Variants in SLC71A2 observed in about 807,000 individuals in gnomAD.
SLC71A2 encodes the protein hippocampus abundant transcript-like 1.
the SLC71A2 span, chr9:94,459,408 T>A: frequency 6.2e-7 from 1 of 1,613,576 alleles, no homozygotes; most frequent in Non-Finnish European, 8.5e-7. Context: ...TGCACTGAGC[T>A]GTAAACTCGG....
the SLC71A2 span, chr9:94,451,371 A>G: frequency 4.5e-6 from 3 of 665,228 alleles, no homozygotes; most frequent in African/African-American, 5.8e-5. Flanking sequence ...GAATTTTCCT[A>G]GACTTATCAT....
the SLC71A2 span, among the ~76,000 whole-genome samples, chr9:94,439,738 G>A: frequency 1.3e-5 from 2 of 151,834 alleles, no homozygotes; most frequent in Admixed American, 1.3e-4. Flanking sequence ...ACTTTTTAAT[G>A]TCCTTTTTTT....
chr9:94,393,083 C>T, the SLC71A2 span, among the ~76,000 whole-genome samples: 1 of 149,968 alleles, frequency 6.7e-6, no homozygotes, highest in African/African-American at 2.4e-5. Flanking sequence ...AGCCATGACA[C>T]TGCATGTCCA....
chr9:94,458,407 C>T, the SLC71A2 span: 7 of 1,613,298 alleles, frequency 4.3e-6, no homozygotes, highest in Non-Finnish European at 5.9e-6. Flanking sequence ...TCTACATGTT[C>T]CATGTGGAAC....
the SLC71A2 span, among the ~76,000 whole-genome samples, chr9:94,400,167 G>C: frequency 7.7e-4 from 117 of 152,020 alleles, no homozygotes; most frequent in Non-Finnish European, 1.5e-3. Context: ...TGGGAGATCA[G>C]TTTCGAATCT....
At chr9:94,454,931 G>A in the SLC71A2 span, among the ~76,000 whole-genome samples, 1 of 152,010 alleles carries the variant, frequency 6.6e-6, no homozygotes, top group Admixed American at 6.6e-5. Flanking sequence ...AGAAGGAATC[G>A]TGAGTTTTGT....
the SLC71A2 span, among the ~76,000 whole-genome samples, chr9:94,455,268 A>G: frequency 6.9e-6 from 1 of 145,476 alleles, no homozygotes; most frequent in Non-Finnish European, 1.5e-5. Flanking sequence ...TGCCAGCCTC[A>G]AGCGATCCTC....
At chr9:94,439,328 T>C in the SLC71A2 span, among the ~76,000 whole-genome samples, 1 of 151,676 alleles carries the variant, frequency 6.6e-6, no homozygotes, top group Non-Finnish European at 1.5e-5. Flanking sequence ...TTTTTTTCTT[T>C]GTATAAATCG....
chr9:94,382,046 G>A, the SLC71A2 span, among the ~76,000 whole-genome samples: 2 of 150,710 alleles, frequency 1.3e-5, no homozygotes, highest in Non-Finnish European at 2.9e-5. Context: ...TTCCTCCTCC[G>A]GCAGAGTCTC....
At chr9:94,383,159 A>G in the SLC71A2 span, among the ~76,000 whole-genome samples, 3 of 91,704 alleles carry the variant, frequency 3.3e-5, no homozygotes, top group Admixed American at 1.0e-4. Flanking sequence ...TAGCTTTTAC[A>G]TCTTTTTTTT....
At chr9:94,381,622 T>A in the SLC71A2 span, among the ~76,000 whole-genome samples, 4,560 of 151,932 alleles carry the variant, frequency 0.03, 61 homozygotes, top group African/African-American at 0.1. Context: ...TACACTTTTT[T>A]AAAAGTAAAT....
chr9:94,438,456 G>C, the SLC71A2 span: 2 of 1,613,948 alleles, frequency 1.2e-6, no homozygotes, highest in Non-Finnish European at 1.7e-6. Context: ...GATGTGTGGG[G>C]GAGGAAGCCC....
the SLC71A2 span, among the ~76,000 whole-genome samples, chr9:94,408,312 T>C: frequency 1.6e-4 from 24 of 152,174 alleles, no homozygotes; most frequent in African/African-American, 5.8e-4. Context: ...ACTTAACCCC[T>C]TTGTAAGTCG....
the SLC71A2 span, among the ~76,000 whole-genome samples, chr9:94,422,428 A>G: frequency 6.6e-6 from 1 of 152,190 alleles, no homozygotes; most frequent in Non-Finnish European, 1.5e-5. Flanking sequence ...GCTGTTGGAC[A>G]TTTGGGTTTC....
the SLC71A2 span, among the ~76,000 whole-genome samples, chr9:94,399,629 A>G: frequency 3.9e-5 from 6 of 152,036 alleles, no homozygotes; most frequent in South Asian, 2.1e-4. Context: ...AGTTTATTTA[A>G]TTGGTCAGTC....
chr9:94,419,910 A>G, the SLC71A2 span, among the ~76,000 whole-genome samples: 1 of 151,812 alleles, frequency 6.6e-6, no homozygotes, highest in Non-Finnish European at 1.5e-5. Flanking sequence ...CTCTGTCTCC[A>G]TTATTTAGGG....
At chr9:94,394,922 T>TG in the SLC71A2 span, among the ~76,000 whole-genome samples, 3 of 82,176 alleles carry the variant, frequency 3.7e-5, no homozygotes, top group Non-Finnish European at 7.7e-5. Flanking sequence ...TTTGTTTTTT[T>TG]TTTTTTTTTG....
chr9:94,408,281 A>G, the SLC71A2 span, among the ~76,000 whole-genome samples: 4 of 152,290 alleles, frequency 2.6e-5, no homozygotes, highest in South Asian at 6.2e-4. Flanking sequence ...TATATTTTCA[A>G]CTTACAGTCG....
chr9:94,387,876 C>A, the SLC71A2 span, among the ~76,000 whole-genome samples: 1 of 152,100 alleles, frequency 6.6e-6, no homozygotes, highest in Non-Finnish European at 1.5e-5. Flanking sequence ...GGTCAAGCCA[C>A]GAGGAGATCT....
Sources: allele counts gnomAD v4.1 joint callset (sites outside exome capture counted in the v4.1 genomes callset), GRCh38; gene constraint gnomAD v4.1.1; transcripts MANE v1.5; gene names NCBI Gene and HGNC (gene_info 2026-07-23, HGNC 2026-07-21).